CSMD3: variants seen among roughly 807,000 people sequenced by gnomAD.
CSMD3 encodes the protein CUB and Sushi multiple domains 3, also known as CUB and sushi domain-containing protein 3.
CSMD3 carries 177 observed loss-of-function variants against 435.2 expected under a neutral mutation model. The observed-to-expected ratio is 0.41, with a 90% confidence interval of 0.36 to 0.46. CSMD3 has a LOEUF of 0.46. Ranked by LOEUF, CSMD3 falls within the 20% of genes least tolerant of loss-of-function variation. The probability of loss-of-function intolerance (pLI) is 0.34; values close to 1 mark genes in which losing one functional copy is unlikely to be tolerated. For missense variants in CSMD3, 4,265 were observed against 4,504.6 expected (o/e 0.95, Z 1.52); for synonymous variants, 1,656 against 1,520.5 (o/e 1.09, Z -2.07).
chr8:113,064,467 G>A (rs1321452311), intron 5 of CSMD3, among the ~76,000 whole-genome samples: 1 of 151,812 alleles, frequency 6.6e-6, no homozygotes, highest in Non-Finnish European at 1.5e-5. Context: ...CAAAACTTGG[G>A]GTTTTTTAAA....
intron 9 of CSMD3, among the ~76,000 whole-genome samples, chr8:112,941,606 G>A (rs375706609): frequency 6.6e-6 from 1 of 151,706 alleles, no homozygotes; most frequent in South Asian, 2.1e-4. Flanking sequence ...CATTCAAAGA[G>A]ATTACTGCAA....
At position 113,314,712 on chromosome 8, in the gene CSMD3, T is replaced by G. The variant is rs1314934819; in HGVS notation, c.260A>C (p.Asn87Thr). 2 of 1,612,998 alleles carry G rather than the reference T, an allele frequency of 1.2e-6. No individual in the cohort carries two copies. The highest frequency in any genetic ancestry group is 4.5e-5 in the East Asian group (2 of 44,772). Residue 87 changes from asparagine to threonine, a missense_variant, in exon 2 of 71, where the codon AAT (asparagine) becomes ACT (threonine). This residue lies in a region of CSMD3 where 731 missense variants were observed against 755.4 expected (regional missense o/e 0.97). Transcript: ENST00000297405. ...TATTACCCATGTGCAGTTTGCACCATTTGGATATCCATATGGAAAACCAGG... is the reference window on the plus strand; with the variant it reads ...TATTACCCATGTGCAGTTTGCACCAGTTGGATATCCATATGGAAAACCAGG... ...ESPGFPYGYP[N>T]GANCTWVIIA...
At chr8:113,206,877 C>T (rs1457895080) in intron 3 of CSMD3, among the ~76,000 whole-genome samples, 2 of 152,132 alleles carry the variant, frequency 1.3e-5, no homozygotes, top group Admixed American at 1.3e-4. Flanking sequence ...AATTCTTGTA[C>T]AAATATTCTT....
At chr8:112,694,068 TC>T (rs2076198756) in intron 13 of CSMD3, among the ~76,000 whole-genome samples, 1 of 151,692 alleles carries the variant, frequency 6.6e-6, no homozygotes, top group Admixed American at 6.6e-5. Context: ...CTTCTTTTTT[TC>T]CATAAATACA....
chr8:112,502,675 T>TC (rs1822095879), intron 30 of CSMD3, among the ~76,000 whole-genome samples: 1 of 152,042 alleles, frequency 6.6e-6, no homozygotes, highest in South Asian at 2.1e-4. Context: ...ATATTTGATT[T>TC]TTTAAAGTAA....
At chr8:112,475,895 T>C (rs1018956473) in intron 31 of CSMD3, among the ~76,000 whole-genome samples, 1 of 152,200 alleles carries the variant, frequency 6.6e-6, no homozygotes, top group South Asian at 2.1e-4. Context: ...CTATTTGACA[T>C]ATGCCACATA....
At chr8:112,329,431 C>T (rs182613374) in intron 45 of CSMD3, among the ~76,000 whole-genome samples, 1 of 152,176 alleles carries the variant, frequency 6.6e-6, no homozygotes, top group East Asian at 1.9e-4. Context: ...TCCCCCCCAC[C>T]TTCTAGAAAA....
intron 1 of CSMD3, among the ~76,000 whole-genome samples, chr8:113,362,024 A>G (rs1436078835): frequency 6.6e-6 from 1 of 152,210 alleles, no homozygotes; most frequent in Non-Finnish European, 1.5e-5. Flanking sequence ...ATCTATATTA[A>G]TAAGTTATTC....
intron 10 of CSMD3, among the ~76,000 whole-genome samples, chr8:112,898,844 C>T (rs2082024317): frequency 6.6e-6 from 1 of 151,060 alleles, no homozygotes; most frequent in African/African-American, 2.4e-5. Flanking sequence ...TGTCACAAAT[C>T]CCCAAATCTT....
chr8:112,690,638 G>C (rs553851573), intron 13 of CSMD3, among the ~76,000 whole-genome samples: 1 of 145,030 alleles, frequency 6.9e-6, no homozygotes, highest in South Asian at 2.2e-4. Flanking sequence ...AATCAGTTTT[G>C]AATTCCAAAT....
chr8:113,263,316 G>T (rs961387773), intron 3 of CSMD3, among the ~76,000 whole-genome samples: 1 of 151,860 alleles, frequency 6.6e-6, no homozygotes, highest in African/African-American at 2.4e-5. Context: ...TACATACTTG[G>T]AAATACCATC....
chr8:113,002,464 A>G (rs2085899933), intron 6 of CSMD3, among the ~76,000 whole-genome samples: 6 of 152,162 alleles, frequency 3.9e-5, no homozygotes, highest in Admixed American at 3.9e-4. Context: ...GAAAATGTGG[A>G]ATCAGAACTG....
intron 3 of CSMD3, among the ~76,000 whole-genome samples, chr8:113,183,362 G>A (rs544758119): frequency 1.5e-4 from 23 of 151,986 alleles, no homozygotes; most frequent in African/African-American, 5.5e-4. Flanking sequence ...AACTTACTAG[G>A]AATTAATTTA....
rs562559087 is a variant in CSMD3, at chr8:112,573,624, G to A, written c.3919C>T (p.Leu1307=). The A allele has an allele frequency of 9.2e-5, 149 of 1,612,474 alleles. No individual in the cohort carries two copies. Among genetic ancestry groups the A allele is most frequent in the Non-Finnish European group, 1.2e-4 (146 of 1,178,808 alleles). The change falls in exon 24 of 71, where the codon CTA becomes TTA. Residue 1307 remains leucine, a synonymous_variant. Coordinates refer to ENST00000297405, the MANE Select transcript of CSMD3 (RefSeq NM_198123.2). ...YDGKDKTTHL[L]GAFTGASMRG... ...ATAGATGCACCAGTAAAAGCACCTAGTAGATGAGTCGTTTTATCTTTTCCA... is the reference window on the plus strand; with the variant it reads ...ATAGATGCACCAGTAAAAGCACCTAATAGATGAGTCGTTTTATCTTTTCCA...
chr8:112,626,360 A>T (rs1834474515), intron 22 of CSMD3, among the ~76,000 whole-genome samples: 3 of 152,080 alleles, frequency 2.0e-5, no homozygotes, highest in African/African-American at 4.8e-5. Context: ...TCAAAGCCCT[A>T]GGTACATTTG....
chr8:112,843,272 G>A (rs563970711), intron 11 of CSMD3, among the ~76,000 whole-genome samples: 35 of 151,850 alleles, frequency 2.3e-4, no homozygotes, highest in Admixed American at 5.9e-4. Flanking sequence ...TGTGCCTTGA[G>A]GGCTCCTCCC....
intron 13 of CSMD3, among the ~76,000 whole-genome samples, chr8:112,755,358 T>C (rs200210736): frequency 1.0e-4 from 11 of 105,980 alleles, no homozygotes; most frequent in South Asian, 2.9e-4. Flanking sequence ...ATAATAATAA[T>C]AATAATAATA....
At chr8:113,103,069 T>G (rs997015525) in intron 4 of CSMD3, among the ~76,000 whole-genome samples, 5 of 152,178 alleles carry the variant, frequency 3.3e-5, no homozygotes, top group Admixed American at 3.3e-4. Flanking sequence ...TTTATCTCAT[T>G]ATCTTCAAAA....
chr8:113,321,632 T>G lies in CSMD3; in HGVS notation c.179-6839A>C, dbSNP rs143526756. On this transcript the variant is annotated intron_variant, in intron 1 of 70. Coordinates refer to ENST00000297405, the MANE Select transcript of CSMD3 (RefSeq NM_198123.2). The stretch of plus-strand genomic sequence containing the variant: ...ATGCCATTGTGGTTTGAGCAAAACC[T>G]GGCATTCAGTAGAAATTCAGTAAGC... 2.6e-3 allele frequency among the ~76,000 whole-genome samples: 395 copies of G among 152,320 alleles called. 2 individuals are homozygous for G. The highest frequency in any genetic ancestry group is 8.9e-3 in the African/African-American group (372 of 41,586).
Sources: gnomAD v4.1 joint callset for allele counts (sites outside exome capture counted in the v4.1 genomes callset) on GRCh38, gnomAD v4.1.1 for gene constraint, gnomAD v4.1.1 regional missense constraint, MANE v1.5 for transcripts, NCBI Gene and HGNC (gene_info 2026-07-23, HGNC 2026-07-21) for gene names.